Variants in CACNA2D1 observed in about 807,000 individuals in gnomAD.
CACNA2D1 encodes voltage-dependent calcium channel subunit alpha-2/delta-1.
In CACNA2D1, 53 loss-of-function variants were observed where a neutral mutation model predicts 171.5. The ratio of observed to expected loss-of-function variants is 0.31; its 90% CI spans 0.25 to 0.39. The LOEUF (loss-of-function observed/expected upper bound fraction) is 0.39. CACNA2D1 is among the 10% of genes least tolerant of loss of function. CACNA2D1 has a pLI of 1.00. For synonymous variants in CACNA2D1, 442 were observed against 443.1 expected (o/e 1.00, Z 0.03); for missense variants, 903 against 1,299.8 (o/e 0.69, Z 4.69).
At chr7:82,056,521 T>C (rs1260204263) in intron 10 of CACNA2D1, among the ~76,000 whole-genome samples, 2 of 152,018 alleles carry the variant, frequency 1.3e-5, no homozygotes, top group African/African-American at 2.4e-5. Flanking sequence ...GCTTGCAAAA[T>C]AGGCCCATGA....
chr7:82,355,363 T>C (rs1174777807), intron 1 of CACNA2D1, among the ~76,000 whole-genome samples: 1 of 152,160 alleles, frequency 6.6e-6, no homozygotes, highest in Non-Finnish European at 1.5e-5. Flanking sequence ...CACAGAATTT[T>C]TCAAATATGC....
At chr7:82,420,425 C>A (rs1033473260) in intron 1 of CACNA2D1, among the ~76,000 whole-genome samples, 10 of 152,132 alleles carry the variant, frequency 6.6e-5, no homozygotes, top group Non-Finnish European at 1.3e-4. Context: ...ATTGAGGATT[C>A]CAAAGATCTT....
chr7:82,048,253 T>C (rs1406224801), intron 10 of CACNA2D1, among the ~76,000 whole-genome samples: 2 of 152,018 alleles, frequency 1.3e-5, no homozygotes, highest in Non-Finnish European at 2.9e-5. Context: ...ATGATTATGA[T>C]ATAAATTAAT....
chr7:82,443,779 TC>T (rs1180669884), upstream of CACNA2D1: 6 of 1,024,402 alleles, frequency 5.9e-6, no homozygotes, highest in Admixed American at 2.6e-4. Context: ...GCTCTCGCTC[TC>T]CCTCTCGGTT....
intron 1 of CACNA2D1, among the ~76,000 whole-genome samples, chr7:82,363,584 A>G (rs1026882100): frequency 6.6e-6 from 1 of 152,020 alleles, no homozygotes; most frequent in Non-Finnish European, 1.5e-5. Flanking sequence ...TTATCCTTAG[A>G]TTTAACTAGA....
intron 1 of CACNA2D1, among the ~76,000 whole-genome samples, chr7:82,365,208 G>A (rs988489085): frequency 8.5e-5 from 13 of 152,082 alleles, no homozygotes; most frequent in Admixed American, 8.5e-4. Flanking sequence ...CCTTAAAAAT[G>A]AAAATTTACT....
intron 3 of CACNA2D1, among the ~76,000 whole-genome samples, chr7:82,299,141 C>A (rs1286914383): frequency 3.3e-5 from 5 of 150,848 alleles, no homozygotes; most frequent in South Asian, 2.1e-4. Context: ...AAAAAAAATT[C>A]TCTGCTTATC....
intron 4 of CACNA2D1, among the ~76,000 whole-genome samples, chr7:82,149,029 G>T (rs980582872): frequency 1.3e-5 from 2 of 152,136 alleles, no homozygotes; most frequent in East Asian, 1.9e-4. Flanking sequence ...CTGGTTTGTT[G>T]TATTGATGAA....
chr7:82,227,126 A>C (rs1802447686), intron 3 of CACNA2D1, among the ~76,000 whole-genome samples: 1 of 152,230 alleles, frequency 6.6e-6, no homozygotes, highest in Non-Finnish European at 1.5e-5. Flanking sequence ...ATAAAGTTGA[A>C]AAATAAAACA....
intron 25 of CACNA2D1, among the ~76,000 whole-genome samples, chr7:81,973,569 A>G (rs527454229): frequency 6.6e-6 from 1 of 152,152 alleles, no homozygotes; most frequent in East Asian, 1.9e-4. Context: ...AGGGAGGAGG[A>G]GAAGGAAAAG....
intron 1 of CACNA2D1, among the ~76,000 whole-genome samples, chr7:82,377,168 G>T (rs1370867311): frequency 6.6e-6 from 1 of 152,094 alleles, no homozygotes; most frequent in Admixed American, 6.6e-5. Context: ...AATAAAAATT[G>T]ATTCATTTTT....
At chr7:81,986,863 G>T (rs1797028254) in intron 21 of CACNA2D1, among the ~76,000 whole-genome samples, 1 of 152,152 alleles carries the variant, frequency 6.6e-6, no homozygotes, top group African/African-American at 2.4e-5. Context: ...TTTACAAAAT[G>T]TACAGCAGAA....
chr7:82,293,293 T>C (rs891419533), intron 3 of CACNA2D1, among the ~76,000 whole-genome samples: 1 of 152,224 alleles, frequency 6.6e-6, no homozygotes, highest in African/African-American at 2.4e-5. Context: ...CTTTTGTCTT[T>C]TTTTTCTTTT....
At chr7:82,129,894 C>T (rs1420205027) in intron 5 of CACNA2D1, among the ~76,000 whole-genome samples, 1 of 152,106 alleles carries the variant, frequency 6.6e-6, no homozygotes, top group East Asian at 1.9e-4. Flanking sequence ...ACATTTGGTC[C>T]TGCCACTGGT....
At chr7:82,221,200 TAC>T (rs3086940) in intron 3 of CACNA2D1, among the ~76,000 whole-genome samples, 39,988 of 152,018 alleles carry the variant, frequency 0.26, 5,851 homozygotes, top group East Asian at 0.47. Context: ...GTGTATATTC[TAC>T]ACACATGCAT....
intron 7 of CACNA2D1, among the ~76,000 whole-genome samples, chr7:82,073,759 C>T (rs1265569986): frequency 6.6e-6 from 1 of 152,122 alleles, no homozygotes; most frequent in Non-Finnish European, 1.5e-5. Context: ...CACAACCACA[C>T]CCGGCTAATT....
intron 3 of CACNA2D1, among the ~76,000 whole-genome samples, chr7:82,193,103 G>GATTT (rs1403437033): frequency 6.6e-6 from 1 of 151,850 alleles, no homozygotes; most frequent in African/African-American, 2.4e-5. Context: ...GTCGTACAAG[G>GATTT]ATTTAGCCGA....
chr7:82,421,494 G>A (rs1211094906), intron 1 of CACNA2D1, among the ~76,000 whole-genome samples: 2 of 152,152 alleles, frequency 1.3e-5, no homozygotes, highest in Non-Finnish European at 2.9e-5. Context: ...TTGAATTTTA[G>A]AGGGGAGAGG....
chr7:82,428,097 A>T (rs887338694), intron 1 of CACNA2D1, among the ~76,000 whole-genome samples: 4 of 130,506 alleles, frequency 3.1e-5, no homozygotes, highest in African/African-American at 8.6e-5. Context: ...TTAAAAAAAT[A>T]AAAAATAAAT....
Sources: allele counts gnomAD v4.1 joint callset (sites outside exome capture counted in the v4.1 genomes callset), GRCh38; gene constraint gnomAD v4.1.1; transcripts MANE v1.5; gene names NCBI Gene and HGNC (gene_info 2026-07-23, HGNC 2026-07-21).